Variants in PCDHGB2 observed in about 807,000 individuals in gnomAD.
The protein encoded by PCDHGB2 is protocadherin gamma subfamily B, 2, also known as protocadherin gamma-B2.
A neutral mutation model predicts 59.3 loss-of-function variants in PCDHGB2; 55 were observed. The observed-to-expected ratio is 0.93, with a 90% confidence interval of 0.75 to 1.16. The LOEUF (loss-of-function observed/expected upper bound fraction) is 1.16. PCDHGB2 is among the 50% of genes most tolerant of loss of function. The pLI, the probability that PCDHGB2 is intolerant of heterozygous loss-of-function variation, is 0.00. For synonymous variants in PCDHGB2, 516 were observed against 512.0 expected (o/e 1.01, Z -0.11); for missense variants, 1,228 against 1,198.5 (o/e 1.02, Z -0.36).
At chr5:141,394,150 A>G in intron 1 of PCDHGB2, 3 of 1,613,916 alleles carry the variant, frequency 1.9e-6, no homozygotes, top group East Asian at 2.2e-5. Context: ...GCAGACATTA[A>G]CGACAACCCT....
chr5:141,506,304 C>A (rs569926873), intron 3 of PCDHGB2, among the ~76,000 whole-genome samples: 3 of 152,078 alleles, frequency 2.0e-5, no homozygotes, highest in Non-Finnish European at 4.4e-5. Context: ...CAAAAATTAG[C>A]TGGGCATGGT....
At chr5:141,397,813 A>G (rs2093571371) in intron 1 of PCDHGB2, among the ~76,000 whole-genome samples, 2 of 152,216 alleles carry the variant, frequency 1.3e-5, no homozygotes, top group Non-Finnish European at 2.9e-5. Flanking sequence ...GCACACAAAA[A>G]CAATTACTGC....
chr5:141,488,054 A>G (rs1255295788), intron 1 of PCDHGB2, among the ~76,000 whole-genome samples: 1 of 152,206 alleles, frequency 6.6e-6, no homozygotes, highest in Admixed American at 6.5e-5. Flanking sequence ...TTGAGGGGAA[A>G]TAAAATCTTT....
Position 141,485,831 on chromosome 5 carries a change from C to T in PCDHGB2, c.2422-8976C>T. 1 of 1,614,080 alleles carries T rather than the reference C, an allele frequency of 6.2e-7. No individual in the cohort carries two copies. The highest frequency in any genetic ancestry group is 8.5e-7 in the Non-Finnish European group (1 of 1,180,026). ...GCTGACTGCTGTCGATGGAGGGAAC[C>T]CGCCGAGATCTGGCACCGCAGAGCT... On this transcript the variant is annotated intron_variant, in intron 1 of 3. Coordinates refer to ENST00000522605, the MANE Select transcript of PCDHGB2 (RefSeq NM_018923.3). This position sits in a 1 kb window ranked among gnomAD's most constrained non-coding sequence, Gnocchi z 5.7.
intron 1 of PCDHGB2, among the ~76,000 whole-genome samples, chr5:141,455,899 ATTT>A (rs1561962776): frequency 1.3e-5 from 2 of 148,258 alleles, no homozygotes; most frequent in Non-Finnish European, 3.0e-5. Flanking sequence ...TTATTTATTT[ATTT>A]ATTTATTTAT....
intron 1 of PCDHGB2, chr5:141,422,315 C>T: frequency 6.5e-7 from 1 of 1,547,896 alleles, no homozygotes; most frequent in Non-Finnish European, 8.7e-7. Flanking sequence ...AACTCTCCTC[C>T]AGGTACAGTG....
chr5:141,394,926 C>T, intron 1 of PCDHGB2: 2 of 1,613,844 alleles, frequency 1.2e-6, no homozygotes, highest in Non-Finnish European at 1.7e-6. Context: ...CTGTGTCTTC[C>T]TCGCCTTTGT....
rs376466215 is a variant in PCDHGB2, at chr5:141,390,102, A to G, written c.2421+27546A>G. ...TAAATCCGAATCCGTGGTTCCCCCC[A>G]ACTACAGCGAGGGGACTTTGCCTTA... is the stretch of plus-strand genomic sequence containing the variant. On this transcript the variant is annotated intron_variant, in intron 1 of 3. Transcript: ENST00000522605. The G allele has an allele frequency of 4.3e-6, 7 of 1,613,886 alleles. No homozygotes were observed. The African/African-American group carries it at 6.7e-5, about 15-fold the overall frequency.
rs374476072 is a variant in PCDHGB2, at chr5:141,419,103, C to T, written c.2421+56547C>T. 5 of 1,613,886 alleles carry T rather than the reference C, an allele frequency of 3.1e-6. 1 individual carries two copies. Among genetic ancestry groups the T allele is most frequent in the South Asian group, 1.1e-5 (1 of 91,088 alleles). On this transcript the variant is annotated intron_variant, in intron 1 of 3. Transcript: ENST00000522605. ...GATGAGGCCCTGGATCGGGAGCAGA[C>T]CCCAGAGTACAACGTCACCATCGCA... is the stretch of plus-strand genomic sequence containing the variant.
At chr5:141,389,816 G>T (rs1359127304) in intron 1 of PCDHGB2, 7 of 1,613,776 alleles carry the variant, frequency 4.3e-6, no homozygotes, top group Non-Finnish European at 5.9e-6. Context: ...TGGTCGCCGT[G>T]CGTGACGGTG....
rs759239364 is a variant in PCDHGB2 at position 141,361,410 on chromosome 5, C to T, written c.1275C>T (p.Thr425=). 1.6e-5 allele frequency: 26 copies of T among 1,613,936 alleles called. No homozygotes were observed. In the Admixed American group the frequency reaches 4.0e-4, roughly 25 times the overall value. ...IPEYNLTITA[T]DGGKPPLSSS... ...AATACAATCTCACCATCACAGCCAC[C>T]GACGGGGGCAAGCCGCCCCTCTCCT... Residue 425 remains threonine (T), a synonymous_variant, in exon 1 of 4, where the codon ACC becomes ACT. Transcript: ENST00000522605.
At chr5:141,370,547 C>T in intron 1 of PCDHGB2, 1 of 1,613,888 alleles carries the variant, frequency 6.2e-7, no homozygotes, top group Non-Finnish European at 8.5e-7. Flanking sequence ...GGAACCTCGC[C>T]AAGGACCTGG....
intron 1 of PCDHGB2, among the ~76,000 whole-genome samples, chr5:141,397,411 T>G (rs1464488353): frequency 6.6e-6 from 1 of 152,210 alleles, no homozygotes; most frequent in East Asian, 1.9e-4. Context: ...AAAATAGTTT[T>G]AAATAGTATA....
chr5:141,361,814 C>T lies in PCDHGB2; in HGVS notation c.1679C>T (p.Pro560Leu). ...VLVGDLNDNA[P>L]RVLYPALGPD... ...GTGGGCGACCTCAATGACAATGCGC[C>T]ACGGGTGCTGTACCCCGCGCTGGGG... is the stretch of plus-strand genomic sequence containing the variant. The change falls in exon 1 of 4, where the codon CCA (proline) becomes CTA (leucine). Residue 560 changes from proline to leucine, a missense_variant. Coordinates refer to ENST00000522605, the MANE Select transcript of PCDHGB2 (RefSeq NM_018923.3). 6.2e-7 allele frequency: 1 copy of T among 1,613,112 alleles called. No individual in the cohort carries two copies. The highest frequency in any genetic ancestry group is 8.5e-7 in the Non-Finnish European group (1 of 1,179,742).
chr5:141,360,561 T>A lies in PCDHGB2; in HGVS notation c.426T>A (p.Ile142=). The A allele has an allele frequency of 6.2e-7, 1 of 1,613,992 alleles. No individual in the cohort carries two copies. Among genetic ancestry groups the A allele is most frequent in the South Asian group, 1.1e-5 (1 of 91,086 alleles). Residue 142 remains isoleucine (I), a synonymous_variant, in exon 1 of 4, where the codon ATT becomes ATA. Coordinates refer to ENST00000522605, the MANE Select transcript of PCDHGB2 (RefSeq NM_018923.3). ...LFKQTKINLK[I]GESTKPGTTF... is the part of the protein sequence containing the mutation. ...AACAGACTAAGATTAATTTAAAAAT[T>A]GGCGAATCCACTAAGCCAGGTACAA...
chr5:141,364,280 G>A, intron 1 of PCDHGB2: 1 of 1,516,138 alleles, frequency 6.6e-7, no homozygotes, highest in African/African-American at 1.4e-5. Context: ...GATAAATAAG[G>A]AAACAGCAGG....
At chr5:141,434,785 T>A (rs7727021) in intron 1 of PCDHGB2, among the ~76,000 whole-genome samples, 45,585 of 150,884 alleles carry the variant, frequency 0.3, 8,100 homozygotes, top group African/African-American at 0.51. Context: ...AAAAAAAAAA[T>A]TTTTTTTTCT....
intron 1 of PCDHGB2, among the ~76,000 whole-genome samples, chr5:141,406,594 G>A (rs1463823326): frequency 1.3e-5 from 2 of 152,068 alleles, no homozygotes; most frequent in Non-Finnish European, 2.9e-5. Context: ...CCCTTTAATG[G>A]TGAAAGTTGT....
intron 1 of PCDHGB2, among the ~76,000 whole-genome samples, chr5:141,488,139 T>A (rs906194527): frequency 6.6e-6 from 1 of 152,084 alleles, no homozygotes; most frequent in Non-Finnish European, 1.5e-5. Context: ...AGGAGAGAAC[T>A]AAAGGAATAG....
Sources: allele counts gnomAD v4.1 joint callset (sites outside exome capture counted in the v4.1 genomes callset), GRCh38; gene constraint gnomAD v4.1.1; non-coding constraint Gnocchi (gnomAD v3.1); transcripts MANE v1.5; gene names NCBI Gene and HGNC (gene_info 2026-07-23, HGNC 2026-07-21).